The following ERC2 variants were observed in gnomAD, a reference collection of about 807,000 sequenced individuals.
ERC2 encodes ERC protein 2.
ERC2 carries 42 observed loss-of-function variants against 114.8 expected under a neutral mutation model. That is an observed-to-expected ratio of 0.37 (90% confidence interval 0.29 to 0.47). The LOEUF is 0.47. ERC2 is among the 20% of genes least tolerant of loss of function. ERC2 has a pLI of 0.99. For missense variants in ERC2, 939 were observed against 1,150.7 expected (o/e 0.82, Z 2.66); for synonymous variants, 454 against 425.5 (o/e 1.07, Z -0.82).
intron 5 of ERC2, among the ~76,000 whole-genome samples, chr3:56,147,900 G>T (rs2081226705): frequency 6.6e-6 from 1 of 151,972 alleles, no homozygotes; most frequent in African/African-American, 2.4e-5. Context: ...TCAGGTGCTT[G>T]GTCCATTTAA....
intron 3 of ERC2, among the ~76,000 whole-genome samples, chr3:56,252,477 G>A (rs1383688500): frequency 1.3e-5 from 2 of 152,180 alleles, no homozygotes; most frequent in African/African-American, 2.4e-5. Flanking sequence ...ATGCCTGGCC[G>A]GGCACAGTGG....
chr3:55,948,603 G>C (rs1325885766), intron 13 of ERC2, among the ~76,000 whole-genome samples: 1 of 152,066 alleles, frequency 6.6e-6, no homozygotes, highest in East Asian at 1.9e-4. Context: ...ATTTGGGGTG[G>C]TCAGGAATGC....
chr3:55,858,864 T>C (rs1176095848), intron 14 of ERC2, among the ~76,000 whole-genome samples: 1 of 152,158 alleles, frequency 6.6e-6, no homozygotes, highest in South Asian at 2.1e-4. Flanking sequence ...GTTCTCAATC[T>C]ACTCACTTGC....
chr3:56,189,624 A>C (rs2083860923), intron 3 of ERC2, among the ~76,000 whole-genome samples: 1 of 152,350 alleles, frequency 6.6e-6, no homozygotes, highest in Non-Finnish European at 1.5e-5. Flanking sequence ...ACAGTGAACA[A>C]GTCCGGGCCA....
At position 56,058,015 on chromosome 3, in the gene ERC2, C is replaced by A. The variant is rs191543414; in HGVS notation, c.1641+22802G>T. 9.1e-4 allele frequency among the ~76,000 whole-genome samples: 139 copies of A among 152,204 alleles called. 1 individual carries two copies. The highest frequency in any genetic ancestry group is 1.2e-3 in the South Asian group (6 of 4,816). On this transcript the variant is annotated intron_variant, in intron 7 of 17. Coordinates refer to ENST00000288221, the MANE Select transcript of ERC2 (RefSeq NM_015576.3). ...TAATTGATTATTATTTGTCAGGTAT[C>A]CTTACAGTGATATAATCAATGTGAT... is the stretch of plus-strand genomic sequence containing the variant.
At chr3:56,251,984 G>C (rs147158147) in intron 3 of ERC2, among the ~76,000 whole-genome samples, 58 of 152,302 alleles carry the variant, frequency 3.8e-4, no homozygotes, top group African/African-American at 1.3e-3. Flanking sequence ...AGTAATTGAA[G>C]TCCTGGTTCT....
intron 14 of ERC2, among the ~76,000 whole-genome samples, chr3:55,772,709 A>G (rs1181931739): frequency 6.6e-6 from 1 of 152,176 alleles, no homozygotes; most frequent in African/African-American, 2.4e-5. Context: ...CACTGAGCCC[A>G]GCATGCTGGA....
chr3:56,418,598 A>T (rs988492925), intron 2 of ERC2, among the ~76,000 whole-genome samples: 4 of 152,380 alleles, frequency 2.6e-5, no homozygotes, highest in East Asian at 1.9e-4. Context: ...TCATAGGGTC[A>T]TTATGTGGAT....
intron 15 of ERC2, among the ~76,000 whole-genome samples, chr3:55,715,108 C>T (rs576859134): frequency 6.6e-6 from 1 of 152,258 alleles, no homozygotes; most frequent in East Asian, 1.9e-4. Flanking sequence ...CCAATTTCTC[C>T]TAACAACCAG....
chr3:55,536,767 C>A (rs1246838944), intron 17 of ERC2, among the ~76,000 whole-genome samples: 1 of 152,166 alleles, frequency 6.6e-6, no homozygotes, highest in Non-Finnish European at 1.5e-5. Context: ...AGACAACCTA[C>A]CAGAAGTGGG....
At chr3:56,165,323 T>C (rs1206570977) in intron 4 of ERC2, among the ~76,000 whole-genome samples, 3 of 152,032 alleles carry the variant, frequency 2.0e-5, no homozygotes, top group Non-Finnish European at 4.4e-5. Flanking sequence ...GCAATAGCTT[T>C]TTTTTTATTA....
At chr3:55,661,831 T>A (rs1164840662) in intron 17 of ERC2, among the ~76,000 whole-genome samples, 4 of 146,794 alleles carry the variant, frequency 2.7e-5, no homozygotes, top group Non-Finnish European at 6.0e-5. Context: ...AAAGGTTATT[T>A]AAAAAAAAAA....
intron 6 of ERC2, among the ~76,000 whole-genome samples, chr3:56,122,879 G>T (rs73091258): frequency 0.061 from 9,321 of 152,050 alleles, 750 homozygotes; most frequent in African/African-American, 0.18. Context: ...CTGCTGTCTC[G>T]TCGCTTCTGC....
At chr3:55,804,914 T>C (rs1219651790) in intron 14 of ERC2, among the ~76,000 whole-genome samples, 2 of 151,974 alleles carry the variant, frequency 1.3e-5, no homozygotes, top group African/African-American at 4.8e-5. Flanking sequence ...GGTCTTCCAC[T>C]TGAAGTGTGG....
chr3:55,835,353 A>G (rs943771769), intron 14 of ERC2, among the ~76,000 whole-genome samples: 13 of 152,230 alleles, frequency 8.5e-5, no homozygotes, highest in East Asian at 1.9e-4. Context: ...AAAATCCTCA[A>G]TGAAATACTG....
chr3:55,927,675 T>G (rs1225297764), intron 13 of ERC2, among the ~76,000 whole-genome samples: 13 of 152,178 alleles, frequency 8.5e-5, no homozygotes, highest in Admixed American at 8.5e-4. Context: ...TGTCGTGTTA[T>G]CAAATACTAG....
chr3:55,663,232 A>G lies in ERC2; in HGVS notation c.*39+20562T>C, dbSNP rs143725057. Among the ~76,000 whole-genome samples the G allele has an allele frequency of 2.5e-3, 387 of 152,354 alleles. 2 individuals carry two copies. Among genetic ancestry groups the G allele is most frequent in the African/African-American group, 8.8e-3 (367 of 41,584 alleles). ...AACCAAACAAAAAAATTCCCCAAAA[A>G]ACAGACCTTAAAAACTAAATCCTAA... On this transcript the variant is annotated intron_variant, in intron 17 of 17. Coordinates refer to ENST00000288221, the MANE Select transcript of ERC2 (RefSeq NM_015576.3).
chr3:55,955,763 C>T (rs1262509101), intron 12 of ERC2, among the ~76,000 whole-genome samples: 3 of 152,192 alleles, frequency 2.0e-5, no homozygotes, highest in Non-Finnish European at 4.4e-5. Context: ...TAAGTAGATG[C>T]ATGTTTAACT....
At chr3:55,555,610 T>G (rs1207971260) in intron 17 of ERC2, among the ~76,000 whole-genome samples, 1 of 152,208 alleles carries the variant, frequency 6.6e-6, no homozygotes, top group East Asian at 1.9e-4. Flanking sequence ...CTCTTACCAC[T>G]GGGGTGATGT....
Sources: gnomAD v4.1 joint callset for allele counts (sites outside exome capture counted in the v4.1 genomes callset) on GRCh38, gnomAD v4.1.1 for gene constraint, MANE v1.5 for transcripts, NCBI Gene and HGNC (gene_info 2026-07-23, HGNC 2026-07-21) for gene names.